The following NHS variants were observed in gnomAD, a reference collection of about 807,000 sequenced individuals.
The protein encoded by NHS is actin remodeling regulator NHS.
Under a neutral mutation model 72.5 loss-of-function variants are expected in NHS, and 5 were observed. The ratio of observed to expected loss-of-function variants is 0.07; its 90% CI spans 0.04 to 0.14. NHS has a LOEUF of 0.14. Ranked by LOEUF, NHS falls within the 10% of genes least tolerant of loss-of-function variation. NHS has a pLI of 1.00. For synonymous variants in NHS, 464 were observed against 547.7 expected (o/e 0.85, Z 2.13); for missense variants, 1,072 against 1,355.7 (o/e 0.79, Z 3.29).
At chrX:17,619,679 C>T (rs1002335766) in intron 1 of NHS, among the ~76,000 whole-genome samples, 32 of 112,174 alleles carry the variant, frequency 2.9e-4, no homozygotes, top group Non-Finnish European at 4.9e-4. Flanking sequence ...GTAGTAAAAA[C>T]TGATCATTTC....
intron 1 of NHS, among the ~76,000 whole-genome samples, chrX:17,420,226 A>C (rs950386773): frequency 4.4e-5 from 5 of 112,381 alleles, no homozygotes; most frequent in African/African-American, 1.6e-4. Flanking sequence ...TTGCCAAAGC[A>C]TATAATTTAT....
intron 1 of NHS, among the ~76,000 whole-genome samples, chrX:17,384,702 A>T (rs1258834680): frequency 1.8e-5 from 2 of 112,484 alleles, no homozygotes; most frequent in East Asian, 5.5e-4. Flanking sequence ...AGGCAATGAC[A>T]TGTAAAAATC....
chrX:17,671,606 G>A (rs2066046236), intron 1 of NHS, among the ~76,000 whole-genome samples: 1 of 112,044 alleles, frequency 8.9e-6, no homozygotes, highest in Non-Finnish European at 1.9e-5. Context: ...GCTTGATGCT[G>A]AAATATAGAG....
intron 1 of NHS, among the ~76,000 whole-genome samples, chrX:17,564,983 A>ATT (rs761329234): frequency 1.2e-5 from 1 of 86,227 alleles, no homozygotes. Context: ...TTTTTTATTT[A>ATT]TTTTTTTTTT....
chrX:17,516,092 A>G (rs908256620), intron 1 of NHS, among the ~76,000 whole-genome samples: 1 of 111,612 alleles, frequency 9.0e-6, no homozygotes, highest in African/African-American at 3.2e-5. Context: ...TATTTTATTA[A>G]CCAACATATC....
At chrX:17,528,319 G>A in intron 1 of NHS, 1 of 112,134 alleles carries the variant, frequency 8.9e-6, no homozygotes, top group Non-Finnish European at 1.9e-5. Flanking sequence ...CTTTCTGGTA[G>A]GGTGCTCCTG....
intron 1 of NHS, among the ~76,000 whole-genome samples, chrX:17,669,799 G>A (rs1247471294): frequency 8.9e-6 from 1 of 111,919 alleles, no homozygotes; most frequent in Non-Finnish European, 1.9e-5. Flanking sequence ...TTAACTTTGA[G>A]ATGAGCTTTT....
chrX:17,433,179 G>C (rs1387076975), intron 1 of NHS, among the ~76,000 whole-genome samples: 2 of 98,647 alleles, frequency 2.0e-5, no homozygotes, highest in African/African-American at 7.5e-5. Context: ...ACAGGCGCCC[G>C]CCACCACGCC....
chrX:17,682,304 G>A (rs1251797572), intron 1 of NHS, among the ~76,000 whole-genome samples: 2 of 111,784 alleles, frequency 1.8e-5, no homozygotes, highest in African/African-American at 6.5e-5. Flanking sequence ...GCATAGCAGG[G>A]ACCTGGAGAA....
At chrX:17,602,834 ATTTTTT>A (rs34067989) in intron 1 of NHS, among the ~76,000 whole-genome samples, 1 of 83,300 alleles carries the variant, frequency 1.2e-5, no homozygotes, top group East Asian at 3.5e-4. Flanking sequence ...CACAACTACA[ATTTTTT>A]TTTTTTTTTT....
intron 3 of NHS, among the ~76,000 whole-genome samples, chrX:17,702,868 G>A (rs980347780): frequency 9.0e-6 from 1 of 111,285 alleles, no homozygotes; most frequent in Non-Finnish European, 1.9e-5. Flanking sequence ...TACTTTAAAA[G>A]GAATCCCTCA....
chrX:17,545,409 C>T (rs1289442401), intron 1 of NHS, among the ~76,000 whole-genome samples: 1 of 112,035 alleles, frequency 8.9e-6, no homozygotes, highest in Non-Finnish European at 1.9e-5. Flanking sequence ...TAGAGTTTTC[C>T]GTTGGATCGT....
chrX:17,378,557 C>A (rs2064358356), intron 1 of NHS, among the ~76,000 whole-genome samples: 1 of 111,040 alleles, frequency 9.0e-6, no homozygotes, highest in Admixed American at 9.5e-5. Flanking sequence ...GAATGCAGAG[C>A]CTGAGACAAG....
intron 1 of NHS, among the ~76,000 whole-genome samples, chrX:17,581,921 C>CA (rs962695414): frequency 1.8e-5 from 2 of 111,488 alleles, no homozygotes; most frequent in Admixed American, 1.9e-4. Context: ...ATCTCTCTTC[C>CA]AAAAAAGAAA....
At chrX:17,389,407 A>T (rs2064428522) in intron 1 of NHS, among the ~76,000 whole-genome samples, 1 of 111,161 alleles carries the variant, frequency 9.0e-6, no homozygotes, top group Non-Finnish European at 1.9e-5. Flanking sequence ...TAGTGATTCC[A>T]TTTATAAGAT....
chrX:17,602,797 AAAT>A (rs1286524878), intron 1 of NHS, among the ~76,000 whole-genome samples: 1 of 108,559 alleles, frequency 9.2e-6, no homozygotes, highest in South Asian at 4.0e-4. Flanking sequence ...TTTAATAGAC[AAAT>A]AATAATTGTG....
chrX:17,491,874 C>A (rs1218727732), intron 1 of NHS, among the ~76,000 whole-genome samples: 1 of 107,132 alleles, frequency 9.3e-6, no homozygotes, highest in African/African-American at 3.4e-5. Flanking sequence ...GTGTATGTGT[C>A]CAGGAATTTA....
chrX:17,628,867 T>C (rs2065811389), intron 1 of NHS, among the ~76,000 whole-genome samples: 1 of 113,183 alleles, frequency 8.8e-6, no homozygotes, highest in African/African-American at 3.2e-5. Context: ...AAATAGCACA[T>C]ACAAAGAACT....
intron 1 of NHS, among the ~76,000 whole-genome samples, chrX:17,459,775 G>A (rs758752713): frequency 8.9e-6 from 1 of 111,919 alleles, no homozygotes; most frequent in Admixed American, 9.5e-5. Context: ...ATCAGCAGCT[G>A]CTTTTGGAGT....
Sources: gnomAD v4.1 joint callset for allele counts (sites outside exome capture counted in the v4.1 genomes callset) on GRCh38, gnomAD v4.1.1 for gene constraint, MANE v1.5 for transcripts, NCBI Gene and HGNC (gene_info 2026-07-23, HGNC 2026-07-21) for gene names.